Variants in AGBL4 observed in about 807,000 individuals in gnomAD.
AGBL4 encodes AGBL carboxypeptidase 4.
Under a neutral mutation model 66.4 loss-of-function variants are expected in AGBL4, and 58 were observed. The observed-to-expected ratio is 0.87, with a 90% CI of 0.71 to 1.09. AGBL4 has a LOEUF of 1.09. Ranked by LOEUF, AGBL4 falls within the 50% of genes least tolerant of loss-of-function variation. AGBL4 has a pLI of 0.00. For missense variants in AGBL4, 579 were observed against 631.0 expected (o/e 0.92, Z 0.88); for synonymous variants, 234 against 222.9 (o/e 1.05, Z -0.44).
intron 11 of AGBL4, chr1:48,585,998 A>C (rs1433501493): frequency 6.6e-6 from 1 of 152,226 alleles, no homozygotes; most frequent in Non-Finnish European, 1.5e-5. Flanking sequence ...TACAGAGTTC[A>C]TTTCATCTAA....
intron 3 of AGBL4, among the ~76,000 whole-genome samples, chr1:49,380,001 G>A (rs1242733288): frequency 6.6e-6 from 1 of 151,974 alleles, no homozygotes; most frequent in Admixed American, 6.6e-5. Flanking sequence ...TTCTGGCCAG[G>A]GAAATTAGGC....
intron 3 of AGBL4, among the ~76,000 whole-genome samples, chr1:49,359,502 C>T (rs1644092942): frequency 6.6e-6 from 1 of 152,026 alleles, no homozygotes; most frequent in Non-Finnish European, 1.5e-5. Flanking sequence ...AAACAAACAA[C>T]AAAAACACTG....
intron 3 of AGBL4, among the ~76,000 whole-genome samples, chr1:49,521,977 G>A (rs1650300851): frequency 6.6e-6 from 1 of 152,014 alleles, no homozygotes; most frequent in South Asian, 2.1e-4. Flanking sequence ...CACTACCTGG[G>A]TGATGGGATC....
At chr1:49,118,122 A>G (rs1210137266) in intron 4 of AGBL4, among the ~76,000 whole-genome samples, 3 of 152,164 alleles carry the variant, frequency 2.0e-5, no homozygotes, top group Non-Finnish European at 2.9e-5. Context: ...TTGGGCTGAG[A>G]CGATGGGGTT....
At chr1:48,925,448 A>G (rs1654456686) in intron 5 of AGBL4, among the ~76,000 whole-genome samples, 1 of 152,198 alleles carries the variant, frequency 6.6e-6, no homozygotes, top group Non-Finnish European at 1.5e-5. Context: ...TATGCAGCCC[A>G]GAATGGCTTT....
chr1:49,784,520 T>A (rs946145226), intron 2 of AGBL4, among the ~76,000 whole-genome samples: 1 of 151,784 alleles, frequency 6.6e-6, no homozygotes, highest in Admixed American at 6.6e-5. Flanking sequence ...TCAAAACAGA[T>A]CAAACATCTA....
chr1:48,890,708 G>A (rs1650855026), intron 5 of AGBL4, among the ~76,000 whole-genome samples: 1 of 152,194 alleles, frequency 6.6e-6, no homozygotes, highest in African/African-American at 2.4e-5. Flanking sequence ...ATAGAGAAGG[G>A]AATGAAGGTT....
At chr1:49,599,576 A>G (rs561544805) in intron 3 of AGBL4, among the ~76,000 whole-genome samples, 1 of 151,942 alleles carries the variant, frequency 6.6e-6, no homozygotes, top group East Asian at 1.9e-4. Flanking sequence ...CTTTTAATTC[A>G]TTGATTTTTG....
At chr1:49,950,007 T>C (rs1170289511) in intron 1 of AGBL4, among the ~76,000 whole-genome samples, 3 of 75,400 alleles carry the variant, frequency 4.0e-5, no homozygotes, top group Admixed American at 1.7e-4. Context: ...TGTATATATA[T>C]ATACACACAC....
At chr1:49,591,230 T>A (rs887632571) in intron 3 of AGBL4, among the ~76,000 whole-genome samples, 7 of 151,850 alleles carry the variant, frequency 4.6e-5, no homozygotes, top group Non-Finnish European at 4.4e-5. Flanking sequence ...CCAAAAGTTG[T>A]TTTTTTGAGA....
At chr1:49,513,950 G>A (rs1194612784) in intron 3 of AGBL4, among the ~76,000 whole-genome samples, 4 of 151,982 alleles carry the variant, frequency 2.6e-5, no homozygotes, top group Admixed American at 2.0e-4. Context: ...GGCTAAGACT[G>A]GCCCCTAGGT....
At chr1:48,936,204 G>T (rs1312447556) in intron 5 of AGBL4, among the ~76,000 whole-genome samples, 1 of 150,640 alleles carries the variant, frequency 6.6e-6, no homozygotes, top group Non-Finnish European at 1.5e-5. Flanking sequence ...GTAGGAGGTA[G>T]GAGGATTGCT....
intron 3 of AGBL4, among the ~76,000 whole-genome samples, chr1:49,282,760 A>G (rs944276246): frequency 1.2e-4 from 18 of 152,196 alleles, no homozygotes; most frequent in Non-Finnish European, 2.1e-4. Flanking sequence ...AAGGGGTGAC[A>G]GACGCACCTG....
At chr1:48,751,118 A>T (rs1651670937) in intron 6 of AGBL4, among the ~76,000 whole-genome samples, 1 of 152,116 alleles carries the variant, frequency 6.6e-6, no homozygotes, top group Admixed American at 6.5e-5. Flanking sequence ...CATCTATAAG[A>T]TAGGGGTGAA....
intron 6 of AGBL4, among the ~76,000 whole-genome samples, chr1:48,849,701 G>A (rs925217271): frequency 3.3e-5 from 5 of 152,160 alleles, no homozygotes; most frequent in Admixed American, 6.5e-5. Flanking sequence ...GACTGGGGGC[G>A]GTGGCTCACG....
At chr1:49,409,731 T>TA (rs1340557984) in intron 3 of AGBL4, among the ~76,000 whole-genome samples, 4 of 152,288 alleles carry the variant, frequency 2.6e-5, no homozygotes, top group African/African-American at 4.8e-5. Context: ...GATTTATTTT[T>TA]AAAAAAACAA....
chr1:49,851,467 A>G lies in AGBL4; in HGVS notation c.86T>C (p.Ile29Thr). Residue 29 changes from isoleucine (I) to threonine (T), a missense_variant, in exon 2 of 14, where the codon ATA (isoleucine) becomes ACA (threonine). Coordinates refer to ENST00000371839, the MANE Select transcript of AGBL4 (RefSeq NM_032785.4). ...TCCACAATAGCCAGTTGGAAGCACTATATATTTGCTCACATTCCCTCCAAT... is the reference window on the plus strand; with the variant it reads ...TCCACAATAGCCAGTTGGAAGCACTGTATATTTGCTCACATTCCCTCCAAT... Reference protein sequence around the residue: ...DAIGGNVSKYIVLPTGYCGQP... With the variant: ...DAIGGNVSKYTVLPTGYCGQP... The G allele has an allele frequency of 6.5e-7, 1 of 1,550,298 alleles. No individual in the cohort carries two copies. Among genetic ancestry groups the G allele is most frequent in the Non-Finnish European group, 8.7e-7 (1 of 1,146,122 alleles).
intron 4 of AGBL4, among the ~76,000 whole-genome samples, chr1:49,047,974 T>C (rs1319269776): frequency 6.6e-6 from 1 of 152,074 alleles, no homozygotes; most frequent in East Asian, 1.9e-4. Context: ...TACATGATGA[T>C]CTACATTTGT....
At chr1:49,948,568 T>TAG (rs1205762791) in intron 1 of AGBL4, among the ~76,000 whole-genome samples, 8,263 of 70,322 alleles carry the variant, frequency 0.12, 447 homozygotes, top group Admixed American at 0.22. Flanking sequence ...TATAAAAATA[T>TAG]ATATATATAT....
Sources: allele counts gnomAD v4.1 joint callset (sites outside exome capture counted in the v4.1 genomes callset), GRCh38; gene constraint gnomAD v4.1.1; transcripts MANE v1.5; gene names NCBI Gene and HGNC (gene_info 2026-07-23, HGNC 2026-07-21).